SLC23A2: variants seen among roughly 807,000 people sequenced by gnomAD.
SLC23A2 encodes solute carrier family 23 member 2.
SLC23A2 carries 36 observed loss-of-function variants against 73.3 expected under a neutral mutation model. The ratio of observed to expected loss-of-function variants is 0.49; its 90% confidence interval spans 0.38 to 0.65. The LOEUF (loss-of-function observed/expected upper bound fraction) is 0.65, where lower values mean the gene tolerates loss of function less well. SLC23A2 is among the 30% of genes least tolerant of loss of function. The pLI is 0.00. For missense variants in SLC23A2, 507 were observed against 841.6 expected (o/e 0.60, Z 4.92); for synonymous variants, 343 against 327.3 (o/e 1.05, Z -0.52).
rs945886929 is a variant in SLC23A2, at chr20:4,863,134, G to A, written c.1357-227C>T. ...TCAGGCCTCAGGGCTCTACTGCCCT[G>A]GCACAGTCATGGGTTGGGATGGCCG... On this transcript the variant is annotated intron_variant, in intron 13 of 16. Transcript: ENST00000338244. The surrounding 1 kb of genome is among the most constrained non-coding windows in gnomAD (Gnocchi z 4.8). 6.6e-6 allele frequency among the ~76,000 whole-genome samples: 1 copy of A among 152,144 alleles called. No homozygotes were observed. The highest frequency in any genetic ancestry group is 1.5e-5 in the Non-Finnish European group (1 of 68,022).
intron 3 of SLC23A2, among the ~76,000 whole-genome samples, chr20:4,920,593 T>C (rs1188518874): frequency 6.6e-6 from 1 of 152,202 alleles, no homozygotes; most frequent in Non-Finnish European, 1.5e-5. Flanking sequence ...GGTGTATCTA[T>C]ACCATGGATC....
chr20:5,003,045 A>G (rs189453651), upstream of SLC23A2, among the ~76,000 whole-genome samples: 2 of 152,226 alleles, frequency 1.3e-5, no homozygotes, highest in East Asian at 1.9e-4. Flanking sequence ...GCAAAATTCA[A>G]TAATGTCGAA....
At chr20:4,865,287 G>A (rs1343376146) in intron 13 of SLC23A2, among the ~76,000 whole-genome samples, 1 of 152,214 alleles carries the variant, frequency 6.6e-6, no homozygotes, top group African/African-American at 2.4e-5. Flanking sequence ...GACGGCCAGC[G>A]AGATAGTACT....
chr20:4,875,569 C>T (rs113642466), intron 9 of SLC23A2, among the ~76,000 whole-genome samples: 139 of 152,278 alleles, frequency 9.1e-4, no homozygotes, highest in African/African-American at 3.2e-3. Flanking sequence ...TTGAGCCTCA[C>T]GGTCCTGACT....
At chr20:4,917,760 T>C (rs1932375586) in intron 3 of SLC23A2, among the ~76,000 whole-genome samples, 1 of 152,158 alleles carries the variant, frequency 6.6e-6, no homozygotes, top group South Asian at 2.1e-4. Context: ...CTCTCCATGC[T>C]ACCCCCATCC....
At chr20:4,895,700 C>A (rs1016828693) in intron 6 of SLC23A2, among the ~76,000 whole-genome samples, 1 of 152,118 alleles carries the variant, frequency 6.6e-6, no homozygotes, top group Admixed American at 6.5e-5. Context: ...AGGTTTGATA[C>A]CCAAGGGGTT....
Position 4,884,842 on chromosome 20 carries a change from G to A in SLC23A2, c.572-19C>T. ...GAAACATCTTGAAAACAAAAACAAA[G>A]TTTTTCTTGGAGTGACACTGATGTC... On this transcript the variant is annotated intron_variant, in intron 7 of 16. Coordinates refer to ENST00000338244, the MANE Select transcript of SLC23A2 (RefSeq NM_005116.6). 6.7e-7 allele frequency: 1 copy of A among 1,494,590 alleles called. No individual in the cohort carries two copies. 92.6% of individuals were successfully genotyped at this position (1,494,590 alleles called of 1,614,324 possible). A position where few individuals can be genotyped will look rare whatever the true frequency, so the allele number is the denominator to read the frequency against.
At chr20:4,926,510 C>CTTTTTT (rs3055953) in intron 3 of SLC23A2, among the ~76,000 whole-genome samples, 3 of 105,046 alleles carry the variant, frequency 2.9e-5, no homozygotes, top group Admixed American at 9.7e-5. Flanking sequence ...ATTTTTTTTG[C>CTTTTTT]TTTTTTTTTT....
At position 4,899,544 on chromosome 20, in the gene SLC23A2, C is replaced by T; in HGVS notation, c.482+11G>A. 1.2e-6 allele frequency: 2 copies of T among 1,613,816 alleles called. No individual in the cohort carries two copies. Among genetic ancestry groups the T allele is most frequent in the Non-Finnish European group, 1.7e-6 (2 of 1,179,858 alleles). On this transcript the variant is annotated intron_variant, in intron 6 of 16. Transcript: ENST00000338244. This position sits in a 1 kb window ranked among gnomAD's most constrained non-coding sequence, Gnocchi z 4.9. ...GGGCTTTGGCATCCCCCATTAGTAC[C>T]CCAATCTCACCTGCATCCAAACGTT...
intron 3 of SLC23A2, among the ~76,000 whole-genome samples, chr20:4,920,607 T>C (rs1932470846): frequency 6.6e-6 from 1 of 152,202 alleles, no homozygotes; most frequent in Non-Finnish European, 1.5e-5. Flanking sequence ...ATGGATCACT[T>C]TGCAGTTATA....
At chr20:4,905,599 G>C (rs1314632708) in intron 4 of SLC23A2, among the ~76,000 whole-genome samples, 2 of 152,224 alleles carry the variant, frequency 1.3e-5, no homozygotes, top group African/African-American at 4.8e-5. Context: ...AGTGAACTCA[G>C]AACGCTGTTC....
At chr20:4,905,183 C>T (rs8125856) in intron 4 of SLC23A2, among the ~76,000 whole-genome samples, 33,657 of 150,520 alleles carry the variant, frequency 0.22, 4,580 homozygotes, top group Non-Finnish European at 0.31. Flanking sequence ...CACACAGGCG[C>T]ATGTATGCAC....
intron 1 of SLC23A2, among the ~76,000 whole-genome samples, chr20:4,996,056 C>T (rs1329743797): frequency 6.6e-6 from 1 of 152,102 alleles, no homozygotes; most frequent in Non-Finnish European, 1.5e-5. Flanking sequence ...AATGAAGGAC[C>T]AGAAGCCACC....
At chr20:4,955,356 A>AACACACAC (rs71197734) in intron 2 of SLC23A2, among the ~76,000 whole-genome samples, 16 of 144,824 alleles carry the variant, frequency 1.1e-4, no homozygotes, top group South Asian at 2.3e-4. Flanking sequence ...AATGAGTTAA[A>AACACACAC]ACACACACAC....
rs1929733462 is a variant in SLC23A2 at position 4,856,931 on chromosome 20, T to C, written c.*41A>G. ...TTGTTACTCAGCAAGGAACTACAGA[T>C]ACATGCCTCACTGCGGCCAGGCCAC... On this transcript the variant is annotated 3_prime_UTR_variant, in exon 17 of 17. Coordinates refer to ENST00000338244, the MANE Select transcript of SLC23A2 (RefSeq NM_005116.6). This position sits in a 1 kb window ranked among gnomAD's most constrained non-coding sequence, Gnocchi z 4.6. The C allele has an allele frequency of 3.1e-6, 4 of 1,273,306 alleles. No individual in the cohort carries two copies. The highest frequency in any genetic ancestry group is 1.8e-5 in the Admixed American group (1 of 56,736). 78.9% of individuals were successfully genotyped at this position (1,273,306 alleles called of 1,614,324 possible).
chr20:4,859,738 G>GA (rs1929884422), intron 15 of SLC23A2, among the ~76,000 whole-genome samples: 2 of 152,268 alleles, frequency 1.3e-5, no homozygotes, highest in Admixed American at 1.3e-4. Flanking sequence ...ATAAGGCTGA[G>GA]AAAAAATTAC....
rs577067172 is a variant in SLC23A2 at position 4,862,210 on chromosome 20, G to A, written c.1487-125C>T. On this transcript the variant is annotated intron_variant, in intron 14 of 16. Coordinates refer to ENST00000338244, the MANE Select transcript of SLC23A2 (RefSeq NM_005116.6). This position sits in a 1 kb window ranked among gnomAD's most constrained non-coding sequence, Gnocchi z 5.1. Reference sequence around the variant, plus strand: ...ACAGAAACCAATGAGACCAGTGCAGGGACAGGAAGGGGGACGTGTGGGGTC... The same window carrying A: ...ACAGAAACCAATGAGACCAGTGCAGAGACAGGAAGGGGGACGTGTGGGGTC... The A allele has an allele frequency of 2.2e-6, 2 of 928,200 alleles. No individual in the cohort carries two copies. The highest frequency in any genetic ancestry group is 3.3e-5 in the African/African-American group (2 of 59,904). 57.5% of individuals were successfully genotyped at this position (928,200 alleles called of 1,614,324 possible).
chr20:4,856,801 C>T lies in SLC23A2; in HGVS notation c.*171G>A. On this transcript the variant is annotated 3_prime_UTR_variant, in exon 17 of 17. Coordinates refer to ENST00000338244, the MANE Select transcript of SLC23A2 (RefSeq NM_005116.6). This position sits in a 1 kb window ranked among gnomAD's most constrained non-coding sequence, Gnocchi z 4.6. ...CTTAAATAAGGAGATAGGCGAGACA[C>T]CGCATCAGGCACCATCACCCTCACA... The T allele has an allele frequency of 3.4e-6, 2 of 596,532 alleles. No individual in the cohort carries two copies. The highest frequency in any genetic ancestry group is 4.0e-5 in the South Asian group (2 of 49,762). The allele number at this position is 596,532 out of a possible 1,614,324, so 37.0% of individuals were successfully genotyped here. A position where few individuals can be genotyped will look rare whatever the true frequency, so the allele number is the denominator to read the frequency against.
rs184026262 is a variant in SLC23A2 at position 5,001,082 on chromosome 20, C to T, written c.-282+324G>A. ...TTCTGGGGGCGCCCCATTTGCCTCC[C>T]CGCTGCGCGGCCTGAGGGCCCGAGC... On this transcript the variant is annotated intron_variant, in intron 1 of 16. Coordinates refer to ENST00000338244, the MANE Select transcript of SLC23A2 (RefSeq NM_005116.6). Among the ~76,000 whole-genome samples, 594 of 152,122 alleles carry T rather than the reference C, an allele frequency of 3.9e-3. 4 individuals are homozygous for T. Among genetic ancestry groups the T allele is most frequent in the African/African-American group, 0.013 (554 of 41,570 alleles).
Sources: allele counts gnomAD v4.1 joint callset (sites outside exome capture counted in the v4.1 genomes callset), GRCh38; gene constraint gnomAD v4.1.1; non-coding constraint Gnocchi (gnomAD v3.1); transcripts MANE v1.5; gene names NCBI Gene and HGNC (gene_info 2026-07-23, HGNC 2026-07-21).